Variants in AIFM3 observed in about 807,000 individuals in gnomAD.
AIFM3 encodes the protein apoptosis-inducing factor 3.
Under a neutral mutation model 82.7 loss-of-function variants are expected in AIFM3, and 71 were observed. That is an observed-to-expected ratio of 0.86 (90% CI 0.71 to 1.05). The LOEUF (loss-of-function observed/expected upper bound fraction) is 1.05. AIFM3 is among the 50% of genes least tolerant of loss of function. The probability of loss-of-function intolerance (pLI) is 0.00; values close to 1 mark genes in which losing one functional copy is unlikely to be tolerated. For missense variants in AIFM3, 748 were observed against 816.7 expected, an observed-to-expected ratio of 0.92 and a Z score of 1.03; for synonymous variants, 337 against 329.1, an observed-to-expected ratio of 1.02 and a Z score of -0.26.
intron 20 of AIFM3, 30 bp downstream of exon 20, chr22:20,980,797 G>A: frequency 6.2e-7 from 1 of 1,614,032 alleles, no homozygotes; most frequent in Non-Finnish European, 8.5e-7. Context: ...TGACCGTTCT[G>A]AGCCTTTCCC....
At position 20,975,644 on chromosome 22, in the gene AIFM3, T is replaced by G. The variant is rs370752467; in HGVS notation, c.721-48T>G. 56 of 1,591,382 alleles carry G rather than the reference T, an allele frequency of 3.5e-5. No homozygotes were observed. The African/African-American group carries it at 7.1e-4, about 20-fold the overall frequency. On this transcript the variant is annotated intron_variant, in intron 8 of 20. Coordinates refer to ENST00000440238, the MANE Select transcript of AIFM3 (RefSeq NM_001386814.1). The stretch of plus-strand genomic sequence containing the variant: ...TGGCCCCACCTTCCCTGGGCCCCAG[T>G]GTCTTCTGCTGTAAACTGGCTCCTC...
Position 20,970,514 on chromosome 22 carries a change from G to A in AIFM3, c.31+2539G>A, listed in dbSNP as rs535389118. On this transcript the variant is annotated intron_variant, in intron 2 of 20. Transcript: ENST00000440238. ...CTCACTCCCTCACCCAGGCTGGAGTGCAATGGCTTGATCTTGGCTCACTGC... is the reference window on the plus strand; with the variant it reads ...CTCACTCCCTCACCCAGGCTGGAGTACAATGGCTTGATCTTGGCTCACTGC... 3.3e-4 allele frequency among the ~76,000 whole-genome samples: 50 copies of A among 152,214 alleles called. 1 individual carries two copies. Among genetic ancestry groups the A allele is most frequent in the Admixed American group, 3.0e-3 (46 of 15,292 alleles).
At position 20,981,356 on chromosome 22, in the gene AIFM3, A is replaced by G. The variant is rs1924109718; in HGVS notation, c.*325A>G. 1 of 367,910 alleles carries G rather than the reference A, an allele frequency of 2.7e-6. No homozygotes were observed. Among genetic ancestry groups the G allele is most frequent in the Non-Finnish European group, 5.2e-6 (1 of 191,856 alleles). The allele number at this position is 367,910 out of a possible 1,614,324, so 22.8% of individuals were successfully genotyped here. A position where few individuals can be genotyped will look rare whatever the true frequency, so the allele number is the denominator to read the frequency against. ...GTAAAATTAAAACGCACAAATTTGC[A>G]GATCTGTATGACTCCCAGTGTAATT... On this transcript the variant is annotated 3_prime_UTR_variant, in exon 21 of 21. Transcript: ENST00000440238.
rs1368147862 is a variant in AIFM3, at chr22:20,980,039, G to A, written c.1672G>A (p.Val558Met). 1.2e-6 allele frequency: 2 copies of A among 1,611,230 alleles called. No individual in the cohort carries two copies. The highest frequency in any genetic ancestry group is 1.7e-6 in the Non-Finnish European group (2 of 1,179,916). Residue 558 changes from valine (V) to methionine (M), a missense_variant, in exon 19 of 21, where the codon GTG becomes ATG. By Grantham distance (21) the Val-to-Met change is conservative. Transcript: ENST00000440238. The part of the protein sequence containing the change: ...FYTKGDEVIA[V>M]ASMNYDPIVS... Reference sequence around the variant, plus strand: ...TTGCAGAGGCGACGAGGTGATCGCCGTGGCCAGCATGAACTACGATCCCAT... The same window carrying A: ...TTGCAGAGGCGACGAGGTGATCGCCATGGCCAGCATGAACTACGATCCCAT...
chr22:20,979,193 T>C, intron 16 of AIFM3, 78 bp from the exon 17 acceptor site: 1 of 1,453,804 alleles, frequency 6.9e-7, no homozygotes, highest in African/African-American at 1.4e-5. Flanking sequence ...GTGTCAGGGG[T>C]CCCCAGGGCA....
rs148644595 is a variant in AIFM3, at chr22:20,969,259, G to T, written c.31+1284G>T. 5.3e-3 allele frequency among the ~76,000 whole-genome samples: 814 copies of T among 152,296 alleles called. 5 individuals are homozygous for T. The highest frequency in any genetic ancestry group is 0.019 in the African/African-American group (770 of 41,562). On this transcript the variant is annotated intron_variant, in intron 2 of 20. Transcript: ENST00000440238. ...CGTGGCCCCAGGACTTCCAGTGTCG[G>T]GGGTGGCCACCCTCACCAAAGGCAG...
At chr22:20,967,730 A>G (rs894602439) in intron 1 of AIFM3, 75 bp from the exon 2 acceptor site, 2 of 594,882 alleles carry the variant, frequency 3.4e-6, no homozygotes, top group Non-Finnish European at 6.0e-6. Context: ...CGAAGCTCCC[A>G]CTGTCTCTCT....
upstream of AIFM3, among the ~76,000 whole-genome samples, chr22:20,966,276 G>A (rs542495882): frequency 1.3e-5 from 2 of 152,164 alleles, no homozygotes; most frequent in South Asian, 2.1e-4. Flanking sequence ...CCAGGACCCA[G>A]GAAGGGACAG....
At chr22:20,980,311 T>C (rs1484763817) in intron 19 of AIFM3, 187 bp downstream of exon 19, 1 of 618,644 alleles carries the variant, frequency 1.6e-6, no homozygotes, top group East Asian at 2.8e-5. Flanking sequence ...AGGCTGGTTA[T>C]GTGTTCATGG....
At chr22:20,980,513 T>A in intron 19 of AIFM3, 1 of 610,374 alleles carries the variant, frequency 1.6e-6, no homozygotes, top group South Asian at 1.9e-5. Flanking sequence ...ATGGTGGGGG[T>A]GGTTCTAGGT....
chr22:20,980,326 T>C (rs890446798), intron 19 of AIFM3: 1 of 609,342 alleles, frequency 1.6e-6, no homozygotes, highest in East Asian at 2.8e-5. Flanking sequence ...TCATGGTGGA[T>C]GGAAGGGATA....
intron 14 of AIFM3, 173 bp downstream of exon 14, chr22:20,977,268 G>A (rs966502002): frequency 3.9e-5 from 33 of 846,314 alleles, no homozygotes; most frequent in African/African-American, 1.5e-4. Context: ...GGTATGTACT[G>A]GGCTCAGCCC....
chr22:20,973,938 C>G (rs962622649), intron 4 of AIFM3, 71 bp downstream of exon 4: 71 of 1,472,816 alleles, frequency 4.8e-5, no homozygotes, highest in Non-Finnish European at 5.0e-5. Context: ...TCCCCAGACC[C>G]CAGGATCTTC....
chr22:20,976,133 T>C lies in AIFM3; in HGVS notation c.808-82T>C, dbSNP rs1601706265. 1.0e-5 allele frequency: 15 copies of C among 1,463,012 alleles called. No homozygotes were observed. The Admixed American group carries it at 1.5e-4, about 15-fold the overall frequency. 90.6% of individuals were successfully genotyped at this position (1,463,012 alleles called of 1,614,324 possible). On this transcript the variant is annotated intron_variant, in intron 9 of 20. Coordinates refer to ENST00000440238, the MANE Select transcript of AIFM3 (RefSeq NM_001386814.1). ...CTTCTCAGAGGCTGTGGCTGGGCTG[T>C]GGGTGTACTGCAGGACCGGGGAGTG...
Position 20,968,087 on chromosome 22 carries a change from A to AGG in AIFM3, c.31+112_31+113insGG, listed in dbSNP as rs1221386402. On this transcript the variant is annotated intron_variant, in intron 2 of 20. Coordinates refer to ENST00000440238, the MANE Select transcript of AIFM3 (RefSeq NM_001386814.1). ...GTAGGCCTCCGAAGTAGGTCAGGCTATCCAAGAACCCGCTCGGAATGTTAA... is the reference window on the plus strand; with the variant it reads ...GTAGGCCTCCGAAGTAGGTCAGGCTAGGTCCAAGAACCCGCTCGGAATGTTAA... 2.6e-6 allele frequency: 3 copies of AGG among 1,152,660 alleles called. No homozygotes were observed. The Admixed American group carries it at 6.8e-5, about 26-fold the overall frequency. 71.4% of individuals were successfully genotyped at this position (1,152,660 alleles called of 1,614,324 possible).
intron 16 of AIFM3, 134 bp from the exon 17 acceptor site, chr22:20,979,137 A>AATG: frequency 2.3e-6 from 2 of 879,792 alleles, no homozygotes; most frequent in Non-Finnish European, 3.7e-6. Context: ...TGGGCTGAAC[A>AATG]ATGATGTCTC....
At chr22:20,979,174 T>C (rs1923895837) in intron 16 of AIFM3, 97 bp from the exon 17 acceptor site, 5 of 1,197,406 alleles carry the variant, frequency 4.2e-6, no homozygotes, top group African/African-American at 1.5e-5. Context: ...CCAGGAGGAG[T>C]AGCCACACGT....
In AIFM3 at chr22:20,976,287, C is replaced by T; in HGVS notation, c.880C>T (p.Leu294=). 6.2e-7 allele frequency: 1 copy of T among 1,614,052 alleles called. No individual in the cohort carries two copies. The highest frequency in any genetic ancestry group is 8.5e-7 in the Non-Finnish European group (1 of 1,180,016). ...DGFKLEYSKL[L]LAPGSSPKTL... Reference sequence around the variant, plus strand: ...CTTCAAGCTGGAGTACAGCAAGCTGCTGCTGGCACCAGGGAGCAGGTGGGA... The same window carrying T: ...CTTCAAGCTGGAGTACAGCAAGCTGTTGCTGGCACCAGGGAGCAGGTGGGA... The change falls in exon 10 of 21, where the codon CTG becomes TTG. Residue 294 remains leucine (L), a synonymous_variant. Transcript: ENST00000440238.
chr22:20,980,581 C>A, intron 19 of AIFM3, 166 bp from the exon 20 acceptor site: 1 of 815,940 alleles, frequency 1.2e-6, no homozygotes, highest in Admixed American at 1.8e-5. Context: ...GATTCACCCT[C>A]TGGGAGAGAG....
Sources: gnomAD v4.1 joint callset for allele counts (sites outside exome capture counted in the v4.1 genomes callset) on GRCh38, gnomAD v4.1.1 for gene constraint, MANE v1.5 for transcripts, NCBI Gene and HGNC (gene_info 2026-07-23, HGNC 2026-07-21) for gene names.